MAPK10: variants seen among roughly 807,000 people sequenced by gnomAD.
MAPK10 encodes the protein JNK3 alpha protein kinase.
MAPK10 carries 25 observed loss-of-function variants against 59.3 expected under a neutral mutation model. The observed-to-expected ratio is 0.42, with a 90% CI of 0.31 to 0.59. The LOEUF is 0.59. Among genes scored for constraint, MAPK10 ranks in the 20% least tolerant of loss-of-function variants. MAPK10 has a pLI of 0.15. For missense variants in MAPK10, 351 were observed against 568.9 expected (o/e 0.62, Z 3.90); for synonymous variants, 190 against 200.5 (o/e 0.95, Z 0.44).
At chr4:86,231,236 C>A (rs1392138125) in intron 2 of MAPK10, among the ~76,000 whole-genome samples, 1 of 152,124 alleles carries the variant, frequency 6.6e-6, no homozygotes, top group Admixed American at 6.5e-5. Context: ...GTAGAATTAA[C>A]AGACAAAATA....
chr4:86,406,498 G>A (rs933686236), intron 1 of MAPK10, among the ~76,000 whole-genome samples: 2 of 152,188 alleles, frequency 1.3e-5, no homozygotes, highest in African/African-American at 2.4e-5. Context: ...AGTGTAGGAG[G>A]TGAGTTAGAT....
At chr4:86,173,546 A>G (rs1437346462) in intron 3 of MAPK10, among the ~76,000 whole-genome samples, 2 of 152,180 alleles carry the variant, frequency 1.3e-5, no homozygotes, top group African/African-American at 4.8e-5. Context: ...AATCTAGGCA[A>G]TATCATTCAG....
chr4:86,263,842 T>G (rs2094119111), intron 2 of MAPK10, among the ~76,000 whole-genome samples: 1 of 152,184 alleles, frequency 6.6e-6, no homozygotes, highest in African/African-American at 2.4e-5. Context: ...AAAATAGTGG[T>G]AGACTATATT....
chr4:86,136,662 A>G (rs1420852567), intron 4 of MAPK10, among the ~76,000 whole-genome samples: 1 of 151,140 alleles, frequency 6.6e-6, no homozygotes, highest in African/African-American at 2.5e-5. Context: ...TCATAATGAC[A>G]GGATCAAATT....
chr4:86,042,031 G>A (rs894294411), intron 11 of MAPK10, among the ~76,000 whole-genome samples: 3 of 152,188 alleles, frequency 2.0e-5, no homozygotes, highest in African/African-American at 7.2e-5. Context: ...GTTTATTGCA[G>A]CACTATATAC....
rs2092972223 is a variant in MAPK10, at chr4:86,244,798, CTTA to C, written c.-6-50394_-6-50392del. Reference sequence around the variant, plus strand: ...GCTGGATAATGAAAGGGCTGAGCTTCTTATTAAGTATTCTCACATTTTTTATTT... The same window carrying C: ...GCTGGATAATGAAAGGGCTGAGCTTCTTAAGTATTCTCACATTTTTTATTT... On this transcript the variant is annotated intron_variant, in intron 2 of 13. Coordinates refer to ENST00000641462, the MANE Select transcript of MAPK10 (RefSeq NM_138982.4). 2.0e-5 allele frequency among the ~76,000 whole-genome samples: 3 copies of C among 152,168 alleles called. No homozygotes were observed. In the South Asian group the frequency reaches 6.2e-4, roughly 31 times the overall value.
chr4:86,165,734 C>T (rs1164790866), intron 3 of MAPK10, among the ~76,000 whole-genome samples: 1 of 151,582 alleles, frequency 6.6e-6, no homozygotes, highest in Non-Finnish European at 1.5e-5. Flanking sequence ...AGATTTGAGA[C>T]AATACTTAGT....
intron 1 of MAPK10, among the ~76,000 whole-genome samples, chr4:86,593,081 T>C (rs1050604637): frequency 9.2e-5 from 14 of 152,232 alleles, no homozygotes; most frequent in Non-Finnish European, 1.9e-4. Flanking sequence ...ATATCTATCA[T>C]AGTTATTCAT....
chr4:86,066,403 A>G (rs1368144214), intron 10 of MAPK10, among the ~76,000 whole-genome samples: 1 of 152,134 alleles, frequency 6.6e-6, no homozygotes, highest in African/African-American at 2.4e-5. Context: ...CTGATTTTAC[A>G]TCCAAATTCA....
At chr4:86,126,224 T>C (rs928096684) in intron 4 of MAPK10, among the ~76,000 whole-genome samples, 5 of 152,128 alleles carry the variant, frequency 3.3e-5, no homozygotes, top group Non-Finnish European at 5.9e-5. Flanking sequence ...TTCTTTCCTT[T>C]GTTACTGCTC....
intron 1 of MAPK10, among the ~76,000 whole-genome samples, chr4:86,371,252 T>G (rs961679553): frequency 1.3e-5 from 2 of 152,162 alleles, no homozygotes; most frequent in Non-Finnish European, 2.9e-5. Context: ...TATTATCTGT[T>G]GAAAGCATCC....
intron 2 of MAPK10, among the ~76,000 whole-genome samples, chr4:86,196,246 T>A (rs2081283018): frequency 1.3e-5 from 2 of 152,226 alleles, no homozygotes; most frequent in South Asian, 4.1e-4. Flanking sequence ...CCTGACTTTT[T>A]AATGATGGTC....
At chr4:86,547,351 G>A (rs932501008) in intron 1 of MAPK10, among the ~76,000 whole-genome samples, 1 of 152,246 alleles carries the variant, frequency 6.6e-6, no homozygotes, top group South Asian at 2.1e-4. Flanking sequence ...AGGACTGCGC[G>A]AGTTCCGGGT....
intron 3 of MAPK10, among the ~76,000 whole-genome samples, chr4:86,170,557 C>T (rs1292380478): frequency 2.0e-5 from 3 of 151,900 alleles, no homozygotes; most frequent in Non-Finnish European, 4.4e-5. Flanking sequence ...AATACAGGAG[C>T]ACCCAGATTC....
intron 2 of MAPK10, among the ~76,000 whole-genome samples, chr4:86,298,077 C>G (rs2095402762): frequency 6.6e-6 from 1 of 152,168 alleles, no homozygotes; most frequent in South Asian, 2.1e-4. Context: ...ATTTGACCTG[C>G]TGGATTCCAT....
chr4:86,254,723 G>T (rs562651530), intron 2 of MAPK10, among the ~76,000 whole-genome samples: 2 of 147,504 alleles, frequency 1.4e-5, no homozygotes, highest in South Asian at 4.4e-4. Flanking sequence ...CAATTCCTGG[G>T]TATCCTTGTT....
In MAPK10 at chr4:86,300,696, T is replaced by G. The variant is rs572125142; in HGVS notation, c.-7+53834A>C. 2.0e-5 allele frequency: 3 copies of G among 152,248 alleles called. No homozygotes were observed. The South Asian group carries it at 6.2e-4, about 32-fold the overall frequency. 9.4% of individuals were successfully genotyped at this position (152,248 alleles called of 1,614,324 possible). ...CATGTCTCTCTTAAAAGCAATGGGA[T>G]CATCAAGATTGATTATTTCTGGAAC... On this transcript the variant is annotated intron_variant, in intron 2 of 13. Coordinates refer to ENST00000641462, the MANE Select transcript of MAPK10 (RefSeq NM_138982.4).
At chr4:86,534,690 G>A (rs1758099866) in intron 1 of MAPK10, among the ~76,000 whole-genome samples, 1 of 152,064 alleles carries the variant, frequency 6.6e-6, no homozygotes, top group Admixed American at 6.6e-5. Context: ...CCCATCACCT[G>A]AGGTCAGGAG....
At chr4:86,553,211 AG>A (rs1565033224) in intron 1 of MAPK10, among the ~76,000 whole-genome samples, 1 of 152,260 alleles carries the variant, frequency 6.6e-6, no homozygotes, top group East Asian at 1.9e-4. Context: ...GTGGTAGGCA[AG>A]GGCATTTAGG....
Sources: allele counts gnomAD v4.1 joint callset (sites outside exome capture counted in the v4.1 genomes callset), GRCh38; gene constraint gnomAD v4.1.1; transcripts MANE v1.5; gene names NCBI Gene and HGNC (gene_info 2026-07-23, HGNC 2026-07-21).